SRGAP2C: variants seen among roughly 807,000 people sequenced by gnomAD.
The protein encoded by SRGAP2C is SLIT-ROBO Rho GTPase-activating protein 2C.
A neutral mutation model predicts 25.1 loss-of-function variants in SRGAP2C; 15 were observed. That is an observed-to-expected ratio of 0.60 (90% CI 0.40 to 0.92). The LOEUF is 0.92. Among genes scored for constraint, SRGAP2C ranks in the 40% least tolerant of loss-of-function variants. SRGAP2C has a pLI of 0.00. For synonymous variants in SRGAP2C, 44 were observed against 96.6 expected (o/e 0.46, Z 3.19); for missense variants, 144 against 264.4 (o/e 0.54, Z 3.16).
intron 2 of SRGAP2C, among the ~76,000 whole-genome samples, chr1:121,257,314 C>T (rs1176155521): frequency 3.3e-5 from 5 of 150,360 alleles, no homozygotes; most frequent in Non-Finnish European, 5.9e-5. Flanking sequence ...CAGGGCTTCA[C>T]CACATTTGCC....
chr1:121,248,395 G>T (rs1437957369), intron 2 of SRGAP2C, among the ~76,000 whole-genome samples: 12 of 123,034 alleles, frequency 9.8e-5, no homozygotes, highest in African/African-American at 3.8e-4. Flanking sequence ...CATATCTTCT[G>T]ATTCTTAAAG....
chr1:121,391,107 C>A lies in SRGAP2C; in HGVS notation c.*3252C>A, dbSNP rs1660066850. 1 of 151,614 alleles carries A rather than the reference C, an allele frequency of 6.6e-6. No homozygotes were observed. Among genetic ancestry groups the A allele is most frequent in the Admixed American group, 6.6e-5 (1 of 15,222 alleles). 9.4% of individuals were successfully genotyped at this position (151,614 alleles called of 1,614,324 possible). On this transcript the variant is annotated 3_prime_UTR_variant, in exon 10 of 10. Transcript: ENST00000367123. ...GGCGTGGTGGCTCACGCCTGTAATC[C>A]CAGCACTTTGGGAGGCCGAGGCGGG...
At chr1:121,218,921 C>G (rs1344145775) in intron 2 of SRGAP2C, among the ~76,000 whole-genome samples, 1 of 151,826 alleles carries the variant, frequency 6.6e-6, no homozygotes, top group African/African-American at 2.4e-5. Context: ...TTCTTAAATA[C>G]ATTTGAGAAA....
intron 2 of SRGAP2C, among the ~76,000 whole-genome samples, chr1:121,271,268 G>A (rs1300245434): frequency 2.7e-5 from 4 of 148,014 alleles, no homozygotes; most frequent in African/African-American, 1.0e-4. Flanking sequence ...CGGTTGCTGG[G>A]CCTCAAAATA....
At chr1:121,323,490 C>T (rs1296365014) in intron 3 of SRGAP2C, among the ~76,000 whole-genome samples, 1 of 139,080 alleles carries the variant, frequency 7.2e-6, no homozygotes, top group African/African-American at 2.7e-5. Flanking sequence ...GTGGCAGGTG[C>T]CTATAATCCC....
At chr1:121,192,096 A>C (rs2101369041) in intron 2 of SRGAP2C, among the ~76,000 whole-genome samples, 1 of 151,976 alleles carries the variant, frequency 6.6e-6, no homozygotes, top group Non-Finnish European at 1.5e-5. Context: ...ATGTATATAT[A>C]CTTGGGAATG....
At chr1:121,272,448 T>C (rs1553335424) in intron 2 of SRGAP2C, among the ~76,000 whole-genome samples, 1 of 151,620 alleles carries the variant, frequency 6.6e-6, no homozygotes, top group East Asian at 1.9e-4. Context: ...CATCTCTAGA[T>C]GATGGCATGG....
At chr1:121,371,156 A>G (rs1659478281) in intron 5 of SRGAP2C, among the ~76,000 whole-genome samples, 1 of 144,560 alleles carries the variant, frequency 6.9e-6, no homozygotes, top group Non-Finnish European at 1.5e-5. Context: ...GTATATGTAT[A>G]TCTTTATGTA....
At chr1:121,260,098 T>C (rs1656588301) in intron 2 of SRGAP2C, among the ~76,000 whole-genome samples, 1 of 146,746 alleles carries the variant, frequency 6.8e-6, no homozygotes, top group Non-Finnish European at 1.5e-5. Flanking sequence ...AACTCCTGGC[T>C]TCAAGCAATC....
intron 4 of SRGAP2C, among the ~76,000 whole-genome samples, chr1:121,348,588 T>C (rs1380403173): frequency 1.3e-5 from 2 of 150,798 alleles, no homozygotes; most frequent in African/African-American, 2.4e-5. Flanking sequence ...AAGAATATTC[T>C]TTTGTATATG....
At chr1:121,336,080 G>A (rs1191518746) in intron 4 of SRGAP2C, among the ~76,000 whole-genome samples, 1 of 151,758 alleles carries the variant, frequency 6.6e-6, no homozygotes, top group Non-Finnish European at 1.5e-5. Flanking sequence ...GGTTTCCATG[G>A]GAAACCCAAG....
At chr1:121,285,391 G>GTCTCTCTC (rs1167239844) in intron 3 of SRGAP2C, among the ~76,000 whole-genome samples, 13 of 134,150 alleles carry the variant, frequency 9.7e-5, no homozygotes, top group Non-Finnish European at 1.1e-4. Context: ...CTTAATCTCT[G>GTCTCTCTC]TCTCTCTCTC....
intron 5 of SRGAP2C, among the ~76,000 whole-genome samples, chr1:121,371,075 A>G (rs1460717525): frequency 6.6e-6 from 1 of 151,892 alleles, no homozygotes; most frequent in East Asian, 1.9e-4. Context: ...TTCTTTGCAG[A>G]ACTGAGAATT....
chr1:121,303,893 A>G (rs1222715588), intron 3 of SRGAP2C, among the ~76,000 whole-genome samples: 3 of 149,466 alleles, frequency 2.0e-5, no homozygotes, highest in Non-Finnish European at 3.0e-5. Context: ...CCTAGAGTGT[A>G]CAGAAAGTTG....
chr1:121,322,037 C>A (rs1290368240), intron 3 of SRGAP2C, among the ~76,000 whole-genome samples: 1 of 148,438 alleles, frequency 6.7e-6, no homozygotes, highest in Non-Finnish European at 1.5e-5. Flanking sequence ...TAACACCATG[C>A]CTTGTTCATT....
chr1:121,359,523 C>G (rs1319064880), intron 4 of SRGAP2C, among the ~76,000 whole-genome samples: 3 of 152,140 alleles, frequency 2.0e-5, no homozygotes, highest in Non-Finnish European at 4.4e-5. Context: ...TTACCAGCTA[C>G]TTGGGAAGCT....
chr1:121,372,123 G>A (rs1553351334), intron 5 of SRGAP2C, among the ~76,000 whole-genome samples: 3 of 150,880 alleles, frequency 2.0e-5, no homozygotes, highest in Admixed American at 6.6e-5. Flanking sequence ...TTCAGAATGA[G>A]GTGAAACTGA....
At chr1:121,328,905 AC>A (rs1381515682) in intron 4 of SRGAP2C, among the ~76,000 whole-genome samples, 27,704 of 110,778 alleles carry the variant, frequency 0.25, 4,004 homozygotes, top group South Asian at 0.43. Flanking sequence ...AAAAAAAAAA[AC>A]AAAAAACAAA....
At chr1:121,231,195 G>GA in intron 2 of SRGAP2C, among the ~76,000 whole-genome samples, 1 of 116,026 alleles carries the variant, frequency 8.6e-6, no homozygotes, top group Non-Finnish European at 1.7e-5. Flanking sequence ...TAAAGAAAAA[G>GA]AAAAAGAAAA....
Sources: gnomAD v4.1 joint callset for allele counts (sites outside exome capture counted in the v4.1 genomes callset) on GRCh38, gnomAD v4.1.1 for gene constraint, MANE v1.5 for transcripts, NCBI Gene and HGNC (gene_info 2026-07-23, HGNC 2026-07-21) for gene names.